The following RPS6KA1 variants were observed in gnomAD, a reference collection of about 807,000 sequenced individuals.
RPS6KA1 encodes ribosomal protein S6 kinase A1, also known as ribosomal protein S6 kinase alpha-1.
A neutral mutation model predicts 91.3 loss-of-function variants in RPS6KA1; 48 were observed. That is an observed-to-expected ratio of 0.53 (90% confidence interval 0.42 to 0.67). The LOEUF is 0.67. Among genes scored for constraint, RPS6KA1 ranks in the 30% least tolerant of loss-of-function variants. The pLI, the probability that RPS6KA1 is intolerant of heterozygous loss-of-function variation, is 0.00. For missense variants in RPS6KA1, 719 were observed against 960.5 expected (o/e 0.75, Z 3.32); for synonymous variants, 359 against 384.7 (o/e 0.93, Z 0.78).
intron 1 of RPS6KA1, among the ~76,000 whole-genome samples, chr1:26,535,463 A>T (rs184480948): frequency 6.6e-6 from 1 of 150,978 alleles, no homozygotes; most frequent in Non-Finnish European, 1.5e-5. Flanking sequence ...GCTGTTGGGA[A>T]CCTCCTGTCT....
chr1:26,536,810 C>A, intron 1 of RPS6KA1, 115 bp from the exon 2 acceptor site: 1 of 1,183,026 alleles, frequency 8.5e-7, no homozygotes, highest in Non-Finnish European at 1.3e-6. Flanking sequence ...CCTGCCCTAC[C>A]ACCATGGCCT....
chr1:26,548,697 G>T (rs1215961567), intron 4 of RPS6KA1, among the ~76,000 whole-genome samples: 2 of 151,904 alleles, frequency 1.3e-5, no homozygotes, highest in Non-Finnish European at 2.9e-5. Flanking sequence ...TACTCAGGAG[G>T]TTGAGGCACA....
At chr1:26,533,702 T>C (rs1249392267) in intron 1 of RPS6KA1, among the ~76,000 whole-genome samples, 1 of 151,936 alleles carries the variant, frequency 6.6e-6, no homozygotes, top group Non-Finnish European at 1.5e-5. Context: ...TGAAACTGTC[T>C]CAAAAAATAA....
chr1:26,557,762 T>TCCTCC (rs2076115525), intron 13 of RPS6KA1, among the ~76,000 whole-genome samples: 2 of 135,584 alleles, frequency 1.5e-5, no homozygotes, highest in Non-Finnish European at 3.2e-5. Flanking sequence ...TTCTCTCCTC[T>TCCTCC]CCTCCCCTCC....
chr1:26,537,052 C>A, intron 2 of RPS6KA1, 83 bp downstream of exon 2: 1 of 1,429,072 alleles, frequency 7.0e-7, no homozygotes, highest in Non-Finnish European at 9.9e-7. Flanking sequence ...AGGGCTCCAG[C>A]CTCTAGCCCC....
chr1:26,547,239 T>A lies in RPS6KA1; in HGVS notation c.276T>A (p.Ala92=). The A allele has an allele frequency of 6.2e-7, 1 of 1,614,004 alleles. No individual in the cohort carries two copies. The highest frequency in any genetic ancestry group is 8.5e-7 in the Non-Finnish European group (1 of 1,180,004). Residue 92 remains alanine, a synonymous_variant, in exon 4 of 22, where the codon GCT becomes GCA. Coordinates refer to ENST00000374168, the MANE Select transcript of RPS6KA1 (RefSeq NM_002953.4). This position sits in a 1 kb window ranked among gnomAD's most constrained non-coding sequence, Gnocchi z 4.1. ...VTRPDSGHLY[A]MKVLKKATLK... ...GGCCTGACAGTGGGCACCTGTATGC[T>A]ATGAAGGTGCTGAAGAAGGCAACGC...
intron 2 of RPS6KA1, chr1:26,543,054 AGT>A (rs2075960971): frequency 6.9e-6 from 8 of 1,161,414 alleles, no homozygotes; most frequent in African/African-American, 1.5e-5. Context: ...CAGAGGGGGA[AGT>A]GAGAAGGAGG....
chr1:26,553,202 C>T (rs1035316437), intron 6 of RPS6KA1, among the ~76,000 whole-genome samples, 189 bp from the exon 7 acceptor site: 6 of 152,170 alleles, frequency 3.9e-5, no homozygotes, highest in African/African-American at 1.4e-4. Flanking sequence ...AATGGTGCCA[C>T]AATGAGTGGC....
In RPS6KA1 at chr1:26,555,095, C is replaced by A. The variant is rs13374763; in HGVS notation, c.757-56C>A. ...GCAGAGGGGTCTGACTGGGAGGAGG[C>A]GGGAGGTGTGTCGGAGACAGGGATC... On this transcript the variant is annotated intron_variant, in intron 9 of 21. Coordinates refer to ENST00000374168, the MANE Select transcript of RPS6KA1 (RefSeq NM_002953.4). The surrounding 1 kb of genome is among the most constrained non-coding windows in gnomAD (Gnocchi z 4.3). The A allele has an allele frequency of 3.9e-6, 6 of 1,539,136 alleles. No homozygotes were observed. In the Admixed American group the frequency reaches 8.4e-5, roughly 22 times the overall value.
Position 26,561,418 on chromosome 1 carries a change from T to A in RPS6KA1, c.1432-87T>A. 6.4e-7 allele frequency: 1 copy of A among 1,551,692 alleles called. No homozygotes were observed. The highest frequency in any genetic ancestry group is 1.4e-5 in the African/African-American group (1 of 73,766). ...GCAGAACACCTGCCCAAGGCTCATGTCATTCTTCCCTGCTCTGGGGCGCTG... is the reference window on the plus strand; with the variant it reads ...GCAGAACACCTGCCCAAGGCTCATGACATTCTTCCCTGCTCTGGGGCGCTG... On this transcript the variant is annotated intron_variant, in intron 16 of 21. Transcript: ENST00000374168. This position sits in a 1 kb window ranked among gnomAD's most constrained non-coding sequence, Gnocchi z 5.7.
At position 26,540,301 on chromosome 1, in the gene RPS6KA1, T is replaced by A. The variant is rs572086276; in HGVS notation, c.108+3332T>A. On this transcript the variant is annotated intron_variant, in intron 2 of 21. Coordinates refer to ENST00000374168, the MANE Select transcript of RPS6KA1 (RefSeq NM_002953.4). This position sits in a 1 kb window ranked among gnomAD's most constrained non-coding sequence, Gnocchi z 4.2. ...CCGAGGTTCAGACAGGGAAACAGAT[T>A]TGCCCGGGAGCACCCAGCTAGTGAG... is the stretch of plus-strand genomic sequence containing the variant. 3.3e-5 allele frequency among the ~76,000 whole-genome samples: 5 copies of A among 152,316 alleles called. No homozygotes were observed. The South Asian group carries it at 1.0e-3, about 32-fold the overall frequency.
In RPS6KA1 at chr1:26,562,385, G is replaced by T. The variant is rs182344183; in HGVS notation, c.1590+722G>T. ...AAGAATTTCAGACTGAAGAATTTAG[G>T]TGGGGAGTGGCTTTTGAGTTAGGAA... is the stretch of plus-strand genomic sequence containing the variant. On this transcript the variant is annotated intron_variant, in intron 17 of 21. Transcript: ENST00000374168. Among the ~76,000 whole-genome samples the T allele has an allele frequency of 4.1e-3, 630 of 152,296 alleles. 5 individuals are homozygous for T. Among genetic ancestry groups the T allele is most frequent in the African/African-American group, 0.015 (603 of 41,552 alleles).
chr1:26,561,803 C>T lies in RPS6KA1; in HGVS notation c.1590+140C>T, dbSNP rs2076156591. The T allele has an allele frequency of 3.8e-6, 3 of 789,226 alleles. No homozygotes were observed. The highest frequency in any genetic ancestry group is 6.0e-6 in the Non-Finnish European group (3 of 502,408). 48.9% of individuals were successfully genotyped at this position (789,226 alleles called of 1,614,324 possible). On this transcript the variant is annotated intron_variant, in intron 17 of 21. Transcript: ENST00000374168. This position sits in a 1 kb window ranked among gnomAD's most constrained non-coding sequence, Gnocchi z 5.7. ...GACACTAGGGCTGGGTGGGTGGATG[C>T]GTGCAAAGGAAGGAGGGAGAGATGT...
At chr1:26,546,057 G>T in intron 2 of RPS6KA1, 1 of 1,609,192 alleles carries the variant, frequency 6.2e-7, no homozygotes, top group Non-Finnish European at 8.5e-7. Flanking sequence ...CGAATGTCTG[G>T]TCCTGACCTG....
chr1:26,543,214 C>G, intron 2 of RPS6KA1: 1 of 1,534,780 alleles, frequency 6.5e-7, no homozygotes. Context: ...GTTCCCTGTC[C>G]CAGAAAGGTG....
In RPS6KA1 at chr1:26,529,859, G is replaced by A; in HGVS notation, c.-62G>A. ...TCGGGTCGCAGAGCCAGGGACCCCA[G>A]GACCCGGGAGGCGGCGCAGCCGGGG... On this transcript the variant is annotated 5_prime_UTR_variant, in exon 1 of 22. Transcript: ENST00000374168. The surrounding 1 kb of genome is among the most constrained non-coding windows in gnomAD (Gnocchi z 4.2). 2 of 1,339,006 alleles carry A rather than the reference G, an allele frequency of 1.5e-6. No individual in the cohort carries two copies. Among genetic ancestry groups the A allele is most frequent in the Non-Finnish European group, 1.9e-6 (2 of 1,026,570 alleles). The allele number at this position is 1,339,006 out of a possible 1,614,324, so 82.9% of individuals were successfully genotyped here.
chr1:26,557,806 C>CCCCTCCCCTCCCCTCCCCTT (rs2076116993), intron 13 of RPS6KA1, among the ~76,000 whole-genome samples: 1 of 135,788 alleles, frequency 7.4e-6, no homozygotes, highest in African/African-American at 2.8e-5. Flanking sequence ...CCCCTCCCCT[C>CCCCTCCCCTCCCCTCCCCTT]CCCTTCCCTC....
chr1:26,539,527 GAAA>G (rs1190450002), intron 2 of RPS6KA1, among the ~76,000 whole-genome samples: 2 of 152,210 alleles, frequency 1.3e-5, no homozygotes, highest in Admixed American at 6.5e-5. Context: ...GTTCTTTCCT[GAAA>G]AATGAAAGGA....
Position 26,555,635 on chromosome 1 carries a change from C to T in RPS6KA1, c.916+10C>T, listed in dbSNP as rs1270788415. The T allele has an allele frequency of 1.9e-6, 3 of 1,583,010 alleles. No individual in the cohort carries two copies. The highest frequency in any genetic ancestry group is 2.6e-6 in the Non-Finnish European group (3 of 1,163,586). Reference sequence around the variant, plus strand: ...CCTGCCAACCGGCTCGGTAAGCAGCCCCAGCTCAGGGGAGGGGATGTGGCG... The same window carrying T: ...CCTGCCAACCGGCTCGGTAAGCAGCTCCAGCTCAGGGGAGGGGATGTGGCG... On this transcript the variant is annotated intron_variant, in intron 11 of 21. Coordinates refer to ENST00000374168, the MANE Select transcript of RPS6KA1 (RefSeq NM_002953.4). The surrounding 1 kb of genome is among the most constrained non-coding windows in gnomAD (Gnocchi z 4.3).
Sources: allele counts gnomAD v4.1 joint callset (sites outside exome capture counted in the v4.1 genomes callset), GRCh38; gene constraint gnomAD v4.1.1; non-coding constraint Gnocchi (gnomAD v3.1); transcripts MANE v1.5; gene names NCBI Gene and HGNC (gene_info 2026-07-23, HGNC 2026-07-21).